BLOC1S5: variants seen among roughly 807,000 people sequenced by gnomAD.
The protein encoded by BLOC1S5 is biogenesis of lysosomal organelles complex 1 subunit 5, also known as biogenesis of lysosome-related organelles complex 1 subunit 5.
In BLOC1S5, 27 loss-of-function variants were observed where a neutral mutation model predicts 24.3. The observed-to-expected ratio is 1.11, with a 90% CI of 0.82 to 1.53. The LOEUF (loss-of-function observed/expected upper bound fraction) is 1.53, where lower values mean the gene tolerates loss of function less well. BLOC1S5 is among the 40% of genes most tolerant of loss of function. The probability of loss-of-function intolerance (pLI) is 0.00; values close to 1 mark genes in which losing one functional copy is unlikely to be tolerated. For missense variants in BLOC1S5, 239 were observed against 229.4 expected, an observed-to-expected ratio of 1.04 and a Z score of -0.27; for synonymous variants, 84 against 74.5, an observed-to-expected ratio of 1.13 and a Z score of -0.66.
intron 3 of BLOC1S5, chr6:8,027,463 C>A (rs181942214): frequency 5.3e-5 from 24 of 456,536 alleles, no homozygotes; most frequent in Non-Finnish European, 7.5e-5. Context: ...TAAATGAGAA[C>A]ACAGTACATA....
At position 8,015,727 on chromosome 6, in the gene BLOC1S5, C is replaced by T. The variant is rs1315335969; in HGVS notation, c.486G>A (p.Glu162=). ...TAAGCCTTTCCATGGCTTTTCTGTG[C>T]TCTTCATCCACTTCAGCCCTTTTGT... The part of the protein sequence containing the change: ...QPNKRAEVDE[E]HRKAMERLKE... Residue 162 remains glutamate (E), a synonymous_variant, in exon 5 of 5, where the codon GAG becomes GAA. Coordinates refer to ENST00000397457, the MANE Select transcript of BLOC1S5 (RefSeq NM_201280.3). 2 of 1,614,168 alleles carry T rather than the reference C, an allele frequency of 1.2e-6. No individual in the cohort carries two copies. The highest frequency in any genetic ancestry group is 1.7e-6 in the Non-Finnish European group (2 of 1,180,018).
At chr6:8,063,908 C>G (rs940971265) in intron 1 of BLOC1S5, among the ~76,000 whole-genome samples, 11 of 152,220 alleles carry the variant, frequency 7.2e-5, no homozygotes, top group African/African-American at 2.7e-4. Context: ...TCACTCAACT[C>G]CTAAGCGACT....
At position 8,018,667 on chromosome 6, in the gene BLOC1S5, G is replaced by A. The variant is rs549113096; in HGVS notation, c.385-2839C>T. Reference sequence around the variant, plus strand: ...TTAAAATGAGGAAAATAAATACTCCGCATCCATAAATAATATTTATAAAGA... The same window carrying A: ...TTAAAATGAGGAAAATAAATACTCCACATCCATAAATAATATTTATAAAGA... On this transcript the variant is annotated intron_variant, in intron 4 of 4. Coordinates refer to ENST00000397457, the MANE Select transcript of BLOC1S5 (RefSeq NM_201280.3). Among the ~76,000 whole-genome samples, 5 of 152,188 alleles carry A rather than the reference G, an allele frequency of 3.3e-5. No individual in the cohort carries two copies. The East Asian group carries it at 9.7e-4, about 29-fold the overall frequency.
At chr6:8,064,202 C>T in intron 1 of BLOC1S5, 63 bp downstream of exon 1, 6 of 1,413,300 alleles carry the variant, frequency 4.2e-6, no homozygotes, top group Non-Finnish European at 5.7e-6. Context: ...GGTCAGAGGG[C>T]GCCGCCTGGG....
intron 4 of BLOC1S5, among the ~76,000 whole-genome samples, chr6:8,025,249 G>A (rs1014104085): frequency 2.0e-5 from 3 of 152,122 alleles, no homozygotes; most frequent in Admixed American, 6.5e-5. Flanking sequence ...TAACAAAATC[G>A]ATCATCCCCT....
intron 3 of BLOC1S5, among the ~76,000 whole-genome samples, chr6:8,039,596 T>C (rs1763611890): frequency 6.6e-6 from 1 of 151,732 alleles, no homozygotes; most frequent in Admixed American, 6.6e-5. Context: ...AGTAAAGTTA[T>C]TTTTAAAAAG....
At chr6:8,050,314 A>C (rs902336378) in intron 2 of BLOC1S5, among the ~76,000 whole-genome samples, 2 of 152,136 alleles carry the variant, frequency 1.3e-5, no homozygotes, top group African/African-American at 2.4e-5. Flanking sequence ...CCATGAACTT[A>C]ATCTATGAAT....
intron 2 of BLOC1S5, among the ~76,000 whole-genome samples, chr6:8,050,618 A>G (rs1335167235): frequency 1.7e-5 from 1 of 60,252 alleles, no homozygotes; most frequent in Non-Finnish European, 4.3e-5. Context: ...TTTTTTTTTT[A>G]TTGAGACAGA....
intron 2 of BLOC1S5, among the ~76,000 whole-genome samples, chr6:8,054,832 T>A (rs1764257478): frequency 6.6e-6 from 1 of 152,214 alleles, no homozygotes; most frequent in Non-Finnish European, 1.5e-5. Flanking sequence ...AGTTTTTGTA[T>A]TTATATTTGC....
intron 1 of BLOC1S5, 106 bp downstream of exon 1, chr6:8,064,159 C>A: frequency 1.1e-6 from 1 of 938,516 alleles, no homozygotes; most frequent in Non-Finnish European, 1.5e-6. Context: ...CACAAACGCA[C>A]GCGCGCCAGC....
At chr6:8,022,636 G>A (rs909026890) in intron 4 of BLOC1S5, among the ~76,000 whole-genome samples, 1 of 133,038 alleles carries the variant, frequency 7.5e-6, no homozygotes, top group African/African-American at 2.7e-5. Flanking sequence ...CCAGGCTGGA[G>A]TGCAGTGGCG....
chr6:8,026,495 G>T, intron 3 of BLOC1S5, 70 bp from the exon 4 acceptor site: 1 of 1,225,250 alleles, frequency 8.2e-7, no homozygotes, highest in Non-Finnish European at 1.2e-6. Flanking sequence ...TGGGGGAGGA[G>T]TGTGTGTGGA....
At chr6:8,055,597 A>C (rs1764278557) in intron 2 of BLOC1S5, among the ~76,000 whole-genome samples, 1 of 152,152 alleles carries the variant, frequency 6.6e-6, no homozygotes, top group Admixed American at 6.5e-5. Flanking sequence ...CACTATTTTT[A>C]GAAGGGAGGG....
intron 2 of BLOC1S5, among the ~76,000 whole-genome samples, chr6:8,058,112 A>G (rs1764378385): frequency 6.6e-6 from 1 of 152,100 alleles, no homozygotes; most frequent in South Asian, 2.1e-4. Context: ...CTTGCTATCA[A>G]CACCTAAATT....
intron 2 of BLOC1S5, among the ~76,000 whole-genome samples, chr6:8,044,068 G>A (rs1581420357): frequency 1.3e-5 from 2 of 152,112 alleles, no homozygotes; most frequent in South Asian, 4.1e-4. Context: ...CGGATCATGA[G>A]GTTAGGAGTT....
At chr6:8,050,617 T>TA (rs70982135) in intron 2 of BLOC1S5, among the ~76,000 whole-genome samples, 30,122 of 150,258 alleles carry the variant, frequency 0.2, 4,132 homozygotes, top group East Asian at 0.54. Context: ...TTTTTTTTTT[T>TA]ATTGAGACAG....
intron 3 of BLOC1S5, among the ~76,000 whole-genome samples, chr6:8,035,349 T>C (rs1212896097): frequency 1.2e-4 from 14 of 117,900 alleles, no homozygotes; most frequent in East Asian, 5.3e-4. Context: ...AAAAATCTTT[T>C]TTTTTTTTTT....
intron 1 of BLOC1S5, among the ~76,000 whole-genome samples, chr6:8,063,208 G>A (rs1172450183): frequency 2.6e-5 from 4 of 152,106 alleles, no homozygotes; most frequent in Non-Finnish European, 5.9e-5. Context: ...TCTGGATAGT[G>A]GCTACCTTGA....
intron 3 of BLOC1S5, among the ~76,000 whole-genome samples, chr6:8,029,712 C>G (rs2815132): frequency 1.3e-5 from 2 of 151,844 alleles, no homozygotes; most frequent in East Asian, 3.9e-4. Context: ...CCCACACTAA[C>G]GAGATATCCC....
Sources: allele counts gnomAD v4.1 joint callset (sites outside exome capture counted in the v4.1 genomes callset), GRCh38; gene constraint gnomAD v4.1.1; transcripts MANE v1.5; gene names NCBI Gene and HGNC (gene_info 2026-07-23, HGNC 2026-07-21).